The following NDUFC2 variants were observed in gnomAD, a reference collection of about 807,000 sequenced individuals.
NDUFC2 encodes NADH dehydrogenase [ubiquinone] 1 subunit C2.
A neutral mutation model predicts 10.1 loss-of-function variants in NDUFC2; 2 were observed. The ratio of observed to expected loss-of-function variants is 0.20; its 90% CI spans 0.08 to 0.62. NDUFC2 has a LOEUF of 0.62. Among genes scored for constraint, NDUFC2 ranks in the 20% least tolerant of loss-of-function variants. The pLI, the probability that NDUFC2 is intolerant of heterozygous loss-of-function variation, is 0.87. For synonymous variants in NDUFC2, 61 were observed against 63.6 expected (o/e 0.96, Z 0.20); for missense variants, 156 against 159.6 (o/e 0.98, Z 0.12).
chr11:78,079,854 GC>G lies in NDUFC2; in HGVS notation c.-111del, dbSNP rs1859448366. 2.1e-6 allele frequency: 3 copies of G among 1,431,192 alleles called. No individual in the cohort carries two copies. Among genetic ancestry groups the G allele is most frequent in the Non-Finnish European group, 2.8e-6 (3 of 1,083,722 alleles). 88.7% of individuals were successfully genotyped at this position (1,431,192 alleles called of 1,614,324 possible). On this transcript the variant is annotated 5_prime_UTR_variant, in exon 1 of 3. Coordinates refer to ENST00000281031, the MANE Select transcript of NDUFC2 (RefSeq NM_004549.6). ...TCAGCTTTCTCCTCCTCCTCTGCGCGCCGGACTCACGGGCACGGCGCAGCGC... is the reference window on the plus strand; with the variant it reads ...TCAGCTTTCTCCTCCTCCTCTGCGCGCGGACTCACGGGCACGGCGCAGCGC...
At chr11:78,075,521 C>A (rs1310841064) in intron 1 of NDUFC2, among the ~76,000 whole-genome samples, 1 of 152,172 alleles carries the variant, frequency 6.6e-6, no homozygotes. Context: ...ATTATTTTAA[C>A]ATTTCCTGCT....
In NDUFC2 at chr11:78,075,098, T is replaced by C. The variant is rs190392111; in HGVS notation, c.167-1957A>G. On this transcript the variant is annotated intron_variant, in intron 1 of 2. Coordinates refer to ENST00000281031, the MANE Select transcript of NDUFC2 (RefSeq NM_004549.6). ...TCAGTGAGTCTAACCCCGGCAGCTA[T>C]TGTGCTCTTTGAAGAACATCATAAA... 7.2e-5 allele frequency among the ~76,000 whole-genome samples: 11 copies of C among 152,322 alleles called. No individual in the cohort carries two copies. The East Asian group carries it at 1.7e-3, about 24-fold the overall frequency.
At chr11:78,072,159 G>T (rs1181180879) in intron 2 of NDUFC2, among the ~76,000 whole-genome samples, 2 of 149,838 alleles carry the variant, frequency 1.3e-5, no homozygotes, top group Non-Finnish European at 1.5e-5. Flanking sequence ...GGCAATGGAT[G>T]ACTTATTTAT....
chr11:78,075,048 C>T (rs1474721200), intron 1 of NDUFC2, among the ~76,000 whole-genome samples: 1 of 152,228 alleles, frequency 6.6e-6, no homozygotes, highest in African/African-American at 2.4e-5. Flanking sequence ...CACACCCCAT[C>T]TACAATCATT....
intron 1 of NDUFC2, among the ~76,000 whole-genome samples, chr11:78,074,028 T>C (rs1054092676): frequency 2.7e-5 from 4 of 147,088 alleles, no homozygotes; most frequent in Admixed American, 6.8e-5. Context: ...TGCACCACCA[T>C]GCCTTTTTTC....
intron 2 of NDUFC2, among the ~76,000 whole-genome samples, chr11:78,071,618 T>G (rs1977973): frequency 1.6e-4 from 24 of 152,178 alleles, no homozygotes; most frequent in African/African-American, 5.8e-4. Context: ...TACTCATATA[T>G]GTGCACATCT....
intron 1 of NDUFC2, among the ~76,000 whole-genome samples, chr11:78,078,009 G>A (rs115801614): frequency 0.029 from 4,455 of 152,296 alleles, 228 homozygotes; most frequent in African/African-American, 0.1. Flanking sequence ...GAAGTGAGGA[G>A]TTATGTCCAA....
chr11:78,073,224 G>A, intron 1 of NDUFC2, 83 bp from the exon 2 acceptor site: 2 of 1,596,050 alleles, frequency 1.3e-6, no homozygotes, highest in East Asian at 4.5e-5. Flanking sequence ...GGACGCAGTG[G>A]CTCACACCTG....
chr11:78,071,600 C>G (rs1380916185), intron 2 of NDUFC2, among the ~76,000 whole-genome samples: 1 of 152,146 alleles, frequency 6.6e-6, no homozygotes, highest in Non-Finnish European at 1.5e-5. Context: ...AAACTCCCAG[C>G]CTACAGATAC....
chr11:78,079,181 G>A (rs889766761), intron 1 of NDUFC2, among the ~76,000 whole-genome samples: 6 of 150,558 alleles, frequency 4.0e-5, no homozygotes, highest in Admixed American at 6.6e-5. Context: ...CTGTTAATCT[G>A]TTAGGCTCGG....
rs550188983 is a variant in NDUFC2 at position 78,079,794 on chromosome 11, G to A, written c.-50C>T. ...CTGGTCTCAGACCACGAACTACAAG[G>A]AAAACCACGACGACCACTACCCCGG... On this transcript the variant is annotated 5_prime_UTR_variant, in exon 1 of 3. Coordinates refer to ENST00000281031, the MANE Select transcript of NDUFC2 (RefSeq NM_004549.6). 7.1e-6 allele frequency: 11 copies of A among 1,557,210 alleles called. No homozygotes were observed. The South Asian group carries it at 1.1e-4, about 15-fold the overall frequency.
intron 2 of NDUFC2, among the ~76,000 whole-genome samples, chr11:78,070,781 T>C (rs1235815562): frequency 6.6e-6 from 1 of 152,144 alleles, no homozygotes; most frequent in African/African-American, 2.4e-5. Flanking sequence ...GTGGTCAAGC[T>C]CTCCGGGCTC....
Position 78,069,828 on chromosome 11 carries a change from T to C in NDUFC2, c.*159A>G. On this transcript the variant is annotated 3_prime_UTR_variant, in exon 3 of 3. Transcript: ENST00000281031. ...CCATTCTCTGATGATGAACTATTTT[T>C]CTTACAACAATAAAGAGTCAGAGTA... 6.7e-7 allele frequency: 1 copy of C among 1,483,722 alleles called. No homozygotes were observed. Among genetic ancestry groups the C allele is most frequent in the South Asian group, 1.2e-5 (1 of 80,294 alleles). The allele number at this position is 1,483,722 out of a possible 1,614,324, so 91.9% of individuals were successfully genotyped here. A position where few individuals can be genotyped will look rare whatever the true frequency, so the allele number is the denominator to read the frequency against.
intron 2 of NDUFC2, among the ~76,000 whole-genome samples, chr11:78,072,392 G>T (rs559564611): frequency 6.6e-6 from 1 of 152,268 alleles, no homozygotes; most frequent in Non-Finnish European, 1.5e-5. Context: ...TGGCCAGGCT[G>T]GTCTCAAACT....
intron 1 of NDUFC2, among the ~76,000 whole-genome samples, chr11:78,074,178 C>T (rs951699740): frequency 1.1e-4 from 17 of 152,026 alleles, no homozygotes; most frequent in Non-Finnish European, 7.3e-5. Context: ...CCACACTCGG[C>T]CCACATTATC....
In NDUFC2 at chr11:78,073,030, A is replaced by C; in HGVS notation, c.278T>G (p.Met93Arg). Residue 93 changes from methionine to arginine, a missense_variant, in exon 2 of 3, where the codon ATG becomes AGG. Coordinates refer to ENST00000281031, the MANE Select transcript of NDUFC2 (RefSeq NM_004549.6). ...AGGAAAATCCTCTGGATGTAATTTC[A>C]TATATCCAAACATTTCACGGTCCCT... ...AVRDREMFGYMKLHPEDFPEE... is the reference protein window; with the variant it reads ...AVRDREMFGYRKLHPEDFPEE... The C allele has an allele frequency of 6.2e-7, 1 of 1,613,874 alleles. No homozygotes were observed. Among genetic ancestry groups the C allele is most frequent in the Non-Finnish European group, 8.5e-7 (1 of 1,179,986 alleles).
chr11:78,077,881 C>G (rs576538113), intron 1 of NDUFC2, among the ~76,000 whole-genome samples: 1 of 152,220 alleles, frequency 6.6e-6, no homozygotes, highest in Admixed American at 6.5e-5. Context: ...TTGTTTAGTT[C>G]CAAAGTGGAG....
In NDUFC2 at chr11:78,079,587, G is replaced by A; in HGVS notation, c.158C>T (p.Ala53Val). ...IDNLIRRRPI[A>V]TAGLHRQLLY... ...GGCCGCGCAGCACTCACCAGCCGTCGCGATCGGCCTCCGCCGGATTAGGTT... is the reference window on the plus strand; with the variant it reads ...GGCCGCGCAGCACTCACCAGCCGTCACGATCGGCCTCCGCCGGATTAGGTT... The change falls in exon 1 of 3, where the codon GCG becomes GTG. Residue 53 changes from alanine to valine, a missense_variant. Physicochemically the swap from Ala to Val is moderately conservative, Grantham distance 64 (BLOSUM62 0). Transcript: ENST00000281031. 1 of 1,551,730 alleles carries A rather than the reference G, an allele frequency of 6.4e-7. No individual in the cohort carries two copies. The highest frequency in any genetic ancestry group is 8.7e-7 in the Non-Finnish European group (1 of 1,148,052).
intron 2 of NDUFC2, among the ~76,000 whole-genome samples, chr11:78,072,590 C>T (rs1229953571): frequency 2.0e-5 from 3 of 152,202 alleles, no homozygotes; most frequent in Non-Finnish European, 4.4e-5. Flanking sequence ...TTAACAAGGC[C>T]TGAACCAGGG....
Sources: gnomAD v4.1 joint callset for allele counts (sites outside exome capture counted in the v4.1 genomes callset) on GRCh38, gnomAD v4.1.1 for gene constraint, MANE v1.5 for transcripts, NCBI Gene and HGNC (gene_info 2026-07-23, HGNC 2026-07-21) for gene names.